Variants in ABCA12 observed in about 807,000 individuals in gnomAD.
ABCA12 encodes ATP binding cassette subfamily A member 12, also known as glucosylceramide transporter ABCA12.
A neutral mutation model predicts 293.5 loss-of-function variants in ABCA12; 156 were observed. The ratio of observed to expected loss-of-function variants is 0.53; its 90% CI spans 0.47 to 0.61. The LOEUF (loss-of-function observed/expected upper bound fraction) is 0.61, where lower values mean the gene tolerates loss of function less well. Among genes scored for constraint, ABCA12 ranks in the 20% least tolerant of loss-of-function variants. The pLI, the probability that ABCA12 is intolerant of heterozygous loss-of-function variation, is 0.00. For synonymous variants in ABCA12, 1,063 were observed against 1,108.0 expected (o/e 0.96, Z 0.81); for missense variants, 2,797 against 3,090.2 (o/e 0.91, Z 2.25).
intron 45 of ABCA12, among the ~76,000 whole-genome samples, chr2:214,950,601 T>C (rs1339287796): frequency 6.7e-6 from 1 of 150,254 alleles, no homozygotes; most frequent in African/African-American, 2.5e-5. Context: ...ACGACCCAGG[T>C]TCAAACTATT....
At chr2:215,038,612 G>C (rs1317436872) in intron 7 of ABCA12, among the ~76,000 whole-genome samples, 2 of 152,090 alleles carry the variant, frequency 1.3e-5, no homozygotes, top group Non-Finnish European at 2.9e-5. Flanking sequence ...AGAATCTCCT[G>C]GTTCTCAGGT....
intron 19 of ABCA12, among the ~76,000 whole-genome samples, chr2:215,006,778 C>T (rs1700260570): frequency 6.6e-6 from 1 of 151,550 alleles, no homozygotes; most frequent in Admixed American, 6.6e-5. Context: ...GATTACTGGG[C>T]TAATTCTGCT....
intron 3 of ABCA12, among the ~76,000 whole-genome samples, chr2:215,056,011 A>G (rs1372432874): frequency 1.3e-5 from 2 of 152,048 alleles, no homozygotes; most frequent in African/African-American, 4.8e-5. Flanking sequence ...TTGAAATCCT[A>G]TGAGGACTAC....
intron 2 of ABCA12, among the ~76,000 whole-genome samples, chr2:215,092,520 C>A (rs73987790): frequency 6.6e-6 from 1 of 151,982 alleles, no homozygotes. Context: ...ACCAATCACA[C>A]GCCCATTACT....
At chr2:214,955,128 G>A in intron 43 of ABCA12, 74 bp downstream of exon 43, 1 of 1,526,668 alleles carries the variant, frequency 6.6e-7, no homozygotes, top group South Asian at 1.2e-5. Context: ...TCTTTTTTAT[G>A]TAGAATAAAT....
chr2:215,011,865 G>GTTTTT, intron 16 of ABCA12, 106 bp downstream of exon 16: 2 of 1,036,152 alleles, frequency 1.9e-6, no homozygotes, highest in Non-Finnish European at 1.4e-6. Flanking sequence ...TGTAGGTGTT[G>GTTTTT]TTTTTTTTTT....
At chr2:215,033,897 T>TGC in intron 8 of ABCA12, among the ~76,000 whole-genome samples, 1 of 152,070 alleles carries the variant, frequency 6.6e-6, no homozygotes, top group South Asian at 2.1e-4. Flanking sequence ...GCCGAGATCA[T>TGC]GCCACTGCAC....
At chr2:215,115,833 G>A in intron 1 of ABCA12, among the ~76,000 whole-genome samples, 1 of 152,172 alleles carries the variant, frequency 6.6e-6, no homozygotes, top group South Asian at 2.1e-4. Flanking sequence ...CCCAGTGAGG[G>A]AAGTGGGGCC....
intron 2 of ABCA12, among the ~76,000 whole-genome samples, chr2:215,067,479 T>A (rs1474181830): frequency 6.6e-6 from 1 of 151,678 alleles, no homozygotes; most frequent in African/African-American, 2.4e-5. Context: ...TGAGATAGAG[T>A]GTTTAAGCAG....
intron 36 of ABCA12, among the ~76,000 whole-genome samples, 200 bp downstream of exon 36, chr2:214,973,749 T>C (rs535577294): frequency 7.9e-5 from 12 of 152,328 alleles, no homozygotes; most frequent in East Asian, 1.9e-4. Context: ...CCTTTGGAAA[T>C]TGGTCCTGAG....
At chr2:215,126,689 CT>C (rs1702930631) in intron 1 of ABCA12, among the ~76,000 whole-genome samples, 1 of 152,028 alleles carries the variant, frequency 6.6e-6, no homozygotes, top group South Asian at 2.1e-4. Context: ...GATTTTCTCT[CT>C]TCTTTTCTTG....
rs1338244499 is a variant in ABCA12, at chr2:214,978,977, G to A, written c.4804C>T (p.His1602Tyr). The A allele has an allele frequency of 1.2e-6, 2 of 1,613,966 alleles. No individual in the cohort carries two copies. Among genetic ancestry groups the A allele is most frequent in the Admixed American group, 1.7e-5 (1 of 60,000 alleles). Reference protein sequence around the residue: ...TMAVTAMIQSHLPEAYLKEDI... With the variant: ...TMAVTAMIQSYLPEAYLKEDI... ...TCCTTGAGGTAGGCTTCGGGGAGATGTGATTGGATCATTGCTGTCACGGCC... is the reference window on the plus strand; with the variant it reads ...TCCTTGAGGTAGGCTTCGGGGAGATATGATTGGATCATTGCTGTCACGGCC... The change falls in exon 32 of 53, where the codon CAT (histidine) becomes TAT (tyrosine). Residue 1602 changes from histidine to tyrosine, a missense_variant. By Grantham distance (83) the His-to-Tyr change is moderately conservative. Around this residue, in one of 3 missense-constraint regions of ABCA12, gnomAD observed 2,130 missense variants for 2,427.0 expected, o/e 0.88. Coordinates refer to ENST00000272895, the MANE Select transcript of ABCA12 (RefSeq NM_173076.3).
chr2:215,052,622 C>T, intron 4 of ABCA12, 38 bp from the exon 5 acceptor site: 2 of 1,508,240 alleles, frequency 1.3e-6, no homozygotes, highest in Non-Finnish European at 9.2e-7. Context: ...ATTCCACACA[C>T]ACACACACAA....
chr2:214,945,158 T>C (rs1698542928), intron 48 of ABCA12, 54 bp from the exon 49 acceptor site: 1 of 1,428,202 alleles, frequency 7.0e-7, no homozygotes, highest in South Asian at 1.2e-5. Flanking sequence ...TTTGATGAAG[T>C]TCTTTTCATG....
rs192016344 is a variant in ABCA12, at chr2:215,098,557, C to T, written c.163+13040G>A. ...TTCCAGCCTTCAATTATTGTTGCAC[C>T]AAATTCACTCATTTGTTCAACAAAT... On this transcript the variant is annotated intron_variant, in intron 2 of 52. Coordinates refer to ENST00000272895, the MANE Select transcript of ABCA12 (RefSeq NM_173076.3). Among the ~76,000 whole-genome samples the T allele has an allele frequency of 3.4e-4, 52 of 152,230 alleles. No individual in the cohort carries two copies. The East Asian group carries it at 4.6e-3, about 14-fold the overall frequency.
chr2:215,001,149 C>A, intron 21 of ABCA12, 129 bp from the exon 22 acceptor site: 1 of 908,444 alleles, frequency 1.1e-6, no homozygotes, highest in Non-Finnish European at 1.7e-6. Flanking sequence ...GGTTCAGGTT[C>A]TTAATTTACA....
At chr2:214,993,283 T>C (rs1699964686) in intron 23 of ABCA12, among the ~76,000 whole-genome samples, 1 of 152,190 alleles carries the variant, frequency 6.6e-6, no homozygotes, top group Admixed American at 6.5e-5. Context: ...TATGCTTCCG[T>C]GGGAATGGAA....
At chr2:214,983,936 T>C in intron 28 of ABCA12, 71 bp from the exon 29 acceptor site, 1 of 1,389,942 alleles carries the variant, frequency 7.2e-7, no homozygotes, top group Non-Finnish European at 1.0e-6. Flanking sequence ...TAACTATATC[T>C]CAGTTGTTAG....
At chr2:215,098,230 A>T (rs909087145) in intron 2 of ABCA12, among the ~76,000 whole-genome samples, 1 of 152,162 alleles carries the variant, frequency 6.6e-6, no homozygotes, top group African/African-American at 2.4e-5. Flanking sequence ...GCTGATCCAC[A>T]CTTATCCCAG....
Sources: gnomAD v4.1 joint callset for allele counts (sites outside exome capture counted in the v4.1 genomes callset) on GRCh38, gnomAD v4.1.1 for gene constraint, gnomAD v4.1.1 regional missense constraint, MANE v1.5 for transcripts, NCBI Gene and HGNC (gene_info 2026-07-23, HGNC 2026-07-21) for gene names.